TENM3: variants seen among roughly 807,000 people sequenced by gnomAD.
TENM3 encodes teneurin-3.
Under a neutral mutation model 255.1 loss-of-function variants are expected in TENM3, and 63 were observed. That is an observed-to-expected ratio of 0.25 (90% CI 0.20 to 0.30). The LOEUF (loss-of-function observed/expected upper bound fraction) is 0.30. TENM3 is among the 10% of genes least tolerant of loss of function. The pLI, the probability that TENM3 is intolerant of heterozygous loss-of-function variation, is 1.00. For missense variants in TENM3, 2,929 were observed against 3,461.1 expected, an observed-to-expected ratio of 0.85 and a Z score of 3.86; for synonymous variants, 1,306 against 1,322.3, an observed-to-expected ratio of 0.99 and a Z score of 0.27.
chr4:181,742,678 T>TA, the TENM3 span, among the ~76,000 whole-genome samples: 1 of 151,592 alleles, frequency 6.6e-6, no homozygotes, highest in Non-Finnish European at 1.5e-5. Flanking sequence ...TTATTTTTAT[T>TA]TTTTTTTATT....
At chr4:181,634,304 C>T in the TENM3 span, among the ~76,000 whole-genome samples, 1 of 151,154 alleles carries the variant, frequency 6.6e-6, no homozygotes, top group South Asian at 2.1e-4. Context: ...ATTCTTTCTT[C>T]AATCGTTTGA....
chr4:181,467,151 G>GA, the TENM3 span, among the ~76,000 whole-genome samples: 25 of 59,992 alleles, frequency 4.2e-4, 1 homozygote, highest in South Asian at 4.3e-4. Flanking sequence ...TTTTTTTTAG[G>GA]CAGAGTCTCG....
chr4:181,517,235 C>T, the TENM3 span, among the ~76,000 whole-genome samples: 1 of 152,056 alleles, frequency 6.6e-6, no homozygotes, highest in South Asian at 2.1e-4. Flanking sequence ...GCCTTTTCAA[C>T]CCATTGCCCA....
At position 182,636,587 on chromosome 4, in the gene TENM3, C is replaced by T. The variant is rs763242974; in HGVS notation, c.988+7698C>T. On this transcript the variant is annotated intron_variant, in intron 5 of 27. Coordinates refer to ENST00000511685, the MANE Select transcript of TENM3 (RefSeq NM_001080477.4). ...AAAAAGTTAGCCAGGCATGGTGGCA[C>T]GCACCTGTAGTCCCAGCTACTCGGG... is the stretch of plus-strand genomic sequence containing the variant. Among the ~76,000 whole-genome samples the T allele has an allele frequency of 5.3e-5, 8 of 151,844 alleles. No individual in the cohort carries two copies. In the East Asian group the frequency reaches 1.2e-3, roughly 22 times the overall value.
chr4:182,460,676 C>G (rs2151386897), intron 3 of TENM3, among the ~76,000 whole-genome samples: 1 of 152,242 alleles, frequency 6.6e-6, no homozygotes, highest in African/African-American at 2.4e-5. Flanking sequence ...CTATTTAACA[C>G]ACAACAGCTA....
the TENM3 span, among the ~76,000 whole-genome samples, chr4:181,463,210 TC>T: frequency 2.0e-5 from 3 of 152,170 alleles, no homozygotes; most frequent in African/African-American, 7.2e-5. Flanking sequence ...TTTCCACAAA[TC>T]CTATCTATCA....
intron 25 of TENM3, among the ~76,000 whole-genome samples, chr4:182,790,406 T>C (rs904248513): frequency 3.9e-5 from 6 of 152,130 alleles, no homozygotes; most frequent in African/African-American, 1.4e-4. Context: ...TTACCAGAGG[T>C]GCCCTGGGGA....
At chr4:181,831,872 C>G in the TENM3 span, among the ~76,000 whole-genome samples, 1 of 151,746 alleles carries the variant, frequency 6.6e-6, no homozygotes, top group Non-Finnish European at 1.5e-5. Flanking sequence ...CACTAAGAGT[C>G]CAAAAAGATC....
intron 1 of TENM3, among the ~76,000 whole-genome samples, chr4:182,259,623 T>C (rs1272190633): frequency 6.6e-6 from 1 of 151,844 alleles, no homozygotes; most frequent in African/African-American, 2.4e-5. Flanking sequence ...TTTTTTAACA[T>C]TTTTTTTATT....
At chr4:182,022,491 A>G in the TENM3 span, among the ~76,000 whole-genome samples, 1 of 151,836 alleles carries the variant, frequency 6.6e-6, no homozygotes, top group Admixed American at 6.6e-5. Context: ...GCATCACACA[A>G]TATGCCCATG....
chr4:181,710,608 G>A, the TENM3 span, among the ~76,000 whole-genome samples: 1 of 152,070 alleles, frequency 6.6e-6, no homozygotes, highest in South Asian at 2.1e-4. Flanking sequence ...CCAGCTACTC[G>A]GGAGGCCAGA....
intron 5 of TENM3, among the ~76,000 whole-genome samples, chr4:182,635,230 C>T (rs1262452659): frequency 6.6e-6 from 1 of 152,128 alleles, no homozygotes; most frequent in African/African-American, 2.4e-5. Context: ...TTTTCCTAAC[C>T]AGTAATTCAT....
chr4:181,684,367 C>T, the TENM3 span, among the ~76,000 whole-genome samples: 10 of 152,162 alleles, frequency 6.6e-5, no homozygotes, highest in Non-Finnish European at 4.4e-5. Flanking sequence ...TCCTACTATC[C>T]CATTCCTCAT....
the TENM3 span, among the ~76,000 whole-genome samples, chr4:181,763,628 G>T: frequency 3.3e-5 from 5 of 152,248 alleles, no homozygotes; most frequent in African/African-American, 7.2e-5. Flanking sequence ...TGCTTTTACT[G>T]CTACGTCTTC....
the TENM3 span, among the ~76,000 whole-genome samples, chr4:181,543,664 G>A: frequency 5.3e-5 from 8 of 152,252 alleles, no homozygotes; most frequent in Admixed American, 1.3e-4. Flanking sequence ...CAACACTTAG[G>A]TGAGTATCAA....
the TENM3 span, among the ~76,000 whole-genome samples, chr4:182,093,573 A>C: frequency 6.6e-6 from 1 of 152,186 alleles, no homozygotes; most frequent in Non-Finnish European, 1.5e-5. Context: ...GGAGCCAGAG[A>C]ACATGAGCCC....
the TENM3 span, among the ~76,000 whole-genome samples, chr4:181,773,618 C>T: frequency 6.6e-6 from 1 of 152,320 alleles, no homozygotes. Flanking sequence ...TCCACACCAC[C>T]AGTACTGAAT....
the TENM3 span, among the ~76,000 whole-genome samples, chr4:181,520,691 C>T: frequency 6.6e-6 from 1 of 152,144 alleles, no homozygotes; most frequent in Middle Eastern, 3.4e-3. Context: ...AAAGAAAAGT[C>T]TTTTCTTTTG....
rs1758963503 is a variant in TENM3, at chr4:182,714,114, A to G, written c.2249A>G (p.Asn750Ser). Residue 750 changes from asparagine to serine, a missense_variant, in exon 13 of 28, where the codon AAT becomes AGT. Physicochemically the swap from Asn to Ser is conservative, Grantham distance 46. This residue lies in a region of TENM3 where 1,608 missense variants were observed against 1,884.4 expected (regional missense o/e 0.85). Transcript: ENST00000511685. ...GGTTGTCCTGGTCTGTGCAACAGCAATGGAAGATGTACCCTGGACCAAAAT... is the reference window on the plus strand; with the variant it reads ...GGTTGTCCTGGTCTGTGCAACAGCAGTGGAAGATGTACCCTGGACCAAAAT... ...IEGCPGLCNSNGRCTLDQNGW... is the reference protein window; with the variant it reads ...IEGCPGLCNSSGRCTLDQNGW... 2 of 1,613,786 alleles carry G rather than the reference A, an allele frequency of 1.2e-6. No homozygotes were observed. Among genetic ancestry groups the G allele is most frequent in the Non-Finnish European group, 1.7e-6 (2 of 1,179,842 alleles).
Sources: allele counts gnomAD v4.1 joint callset (sites outside exome capture counted in the v4.1 genomes callset), GRCh38; gene constraint gnomAD v4.1.1; regional missense constraint gnomAD v4.1.1; transcripts MANE v1.5; gene names NCBI Gene and HGNC (gene_info 2026-07-23, HGNC 2026-07-21).